PARP16: variants seen among roughly 807,000 people sequenced by gnomAD.
The protein encoded by PARP16 is protein mono-ADP-ribosyltransferase PARP16.
Under a neutral mutation model 35.0 loss-of-function variants are expected in PARP16, and 31 were observed. That is an observed-to-expected ratio of 0.88 (90% confidence interval 0.66 to 1.19). PARP16 has a LOEUF of 1.19. PARP16 is among the 50% of genes most tolerant of loss of function. The pLI, the probability that PARP16 is intolerant of heterozygous loss-of-function variation, is 0.00. For synonymous variants in PARP16, 162 were observed against 169.5 expected (o/e 0.96, Z 0.34); for missense variants, 424 against 411.2 (o/e 1.03, Z -0.27).
At chr15:65,266,880 A>C (rs1301979982) in intron 2 of PARP16, 112 bp from the exon 3 acceptor site, 7 of 736,640 alleles carry the variant, frequency 9.5e-6, no homozygotes, top group Non-Finnish European at 1.6e-5. Context: ...TCATGAGAAC[A>C]ACAGGTTTCA....
At chr15:65,274,273 G>A (rs2090182809) in intron 1 of PARP16, among the ~76,000 whole-genome samples, 1 of 146,572 alleles carries the variant, frequency 6.8e-6, no homozygotes, top group African/African-American at 2.5e-5. Context: ...GAAAGTGGAT[G>A]TGTGAGCCCG....
intron 3 of PARP16, among the ~76,000 whole-genome samples, chr15:65,241,355 G>T (rs2089075010): frequency 1.3e-5 from 2 of 152,104 alleles, no homozygotes; most frequent in South Asian, 4.1e-4. Flanking sequence ...TGGCCAGGCT[G>T]GTCTCGAACT....
In PARP16 at chr15:65,258,370, G is replaced by C. The variant is rs930248456; in HGVS notation, c.*1037C>G. ...AGCCCAGGCTGAGTCTCAAAGACCT[G>C]TGACCCCTCTGAAGGAGGCTCCATC... On this transcript the variant is annotated 3_prime_UTR_variant, in exon 6 of 6. Coordinates refer to ENST00000649807, the MANE Select transcript of PARP16 (RefSeq NM_001316943.2). 1 of 152,220 alleles carries C rather than the reference G, an allele frequency of 6.6e-6. No individual in the cohort carries two copies. The highest frequency in any genetic ancestry group is 2.4e-5 in the African/African-American group (1 of 41,452). The allele number at this position is 152,220 out of a possible 1,614,324, so 9.4% of individuals were successfully genotyped here.
chr15:65,251,951 A>G (rs1048552342), intron 2 of PARP16, among the ~76,000 whole-genome samples: 4 of 152,156 alleles, frequency 2.6e-5, no homozygotes, highest in South Asian at 2.1e-4. Context: ...TTTTTAGTAG[A>G]GACGGGGTTT....
At chr15:65,239,300 G>A (rs538225479) in intron 3 of PARP16, among the ~76,000 whole-genome samples, 95 of 151,126 alleles carry the variant, frequency 6.3e-4, no homozygotes, top group Non-Finnish European at 7.8e-4. Context: ...GGTGGTGTGC[G>A]CCTGTAGTCC....
At chr15:65,254,049 G>A (rs962648207), downstream of PARP16, among the ~76,000 whole-genome samples, 9 of 152,010 alleles carry the variant, frequency 5.9e-5, no homozygotes, top group East Asian at 3.9e-4. Context: ...ATCTCCTGAC[G>A]TCAGGTGATC....
At chr15:65,236,691 G>A (rs984266881) in intron 3 of PARP16, among the ~76,000 whole-genome samples, 2 of 152,222 alleles carry the variant, frequency 1.3e-5, no homozygotes, top group Non-Finnish European at 2.9e-5. Context: ...GTGGGAAGCT[G>A]GCTGGGCACG....
intron 1 of PARP16, among the ~76,000 whole-genome samples, chr15:65,280,883 CAGGG>C (rs2090402546): frequency 6.6e-6 from 1 of 152,188 alleles, no homozygotes; most frequent in Non-Finnish European, 1.5e-5. Flanking sequence ...CAAATGAGAA[CAGGG>C]TAAGCTTCAT....
chr15:65,266,284 G>A (rs1464252570), intron 3 of PARP16, among the ~76,000 whole-genome samples: 1 of 152,148 alleles, frequency 6.6e-6, no homozygotes, highest in Non-Finnish European at 1.5e-5. Flanking sequence ...TTAAATCGAC[G>A]CTTTTCAAAC....
At chr15:65,261,138 A>G in intron 4 of PARP16, 112 bp from the exon 5 acceptor site, 1 of 971,458 alleles carries the variant, frequency 1.0e-6, no homozygotes, top group Non-Finnish European at 1.5e-6. Context: ...AAGGCCTGGC[A>G]GGCTGAGGAA....
chr15:65,276,584 T>C (rs2090263464), intron 1 of PARP16, among the ~76,000 whole-genome samples: 1 of 152,084 alleles, frequency 6.6e-6, no homozygotes, highest in Admixed American at 6.6e-5. Context: ...CAGGCTGGTC[T>C]CAAAACTCCC....
At chr15:65,284,833 T>A in intron 1 of PARP16, among the ~76,000 whole-genome samples, 1 of 145,806 alleles carries the variant, frequency 6.9e-6, no homozygotes, top group Admixed American at 6.8e-5. Flanking sequence ...TTTTTTTTTT[T>A]TTGAGAGAGA....
intron 2 of PARP16, among the ~76,000 whole-genome samples, chr15:65,249,352 C>T (rs2089294015): frequency 6.6e-6 from 1 of 152,158 alleles, no homozygotes; most frequent in African/African-American, 2.4e-5. Context: ...ACCCCAGGGA[C>T]AGTGGCCCAG....
At chr15:65,272,696 G>T (rs1319370043) in intron 1 of PARP16, among the ~76,000 whole-genome samples, 1 of 152,126 alleles carries the variant, frequency 6.6e-6, no homozygotes, top group African/African-American at 2.4e-5. Flanking sequence ...ACTGTCTTGT[G>T]TTTTTCCAAT....
chr15:65,273,003 G>A (rs757450388), intron 1 of PARP16, among the ~76,000 whole-genome samples: 1 of 152,076 alleles, frequency 6.6e-6, no homozygotes, highest in African/African-American at 2.4e-5. Flanking sequence ...GTGGTGGCCC[G>A]GTGTGGTGGT....
chr15:65,245,953 G>A (rs993267489), intron 3 of PARP16, among the ~76,000 whole-genome samples: 15 of 152,100 alleles, frequency 9.9e-5, no homozygotes, highest in African/African-American at 3.4e-4. Context: ...GTGAGGGGCC[G>A]TCACAATGAC....
intron 3 of PARP16, among the ~76,000 whole-genome samples, chr15:65,246,121 G>C (rs960020236): frequency 1.3e-5 from 2 of 152,084 alleles, no homozygotes; most frequent in African/African-American, 4.8e-5. Context: ...TTCTCTCAGG[G>C]CCTCGGCCAC....
At chr15:65,253,953 G>C (rs1389864657), downstream of PARP16, among the ~76,000 whole-genome samples, 1 of 152,058 alleles carries the variant, frequency 6.6e-6, no homozygotes, top group African/African-American at 2.4e-5. Flanking sequence ...GAGTAGCTGG[G>C]ACTACAGGCG....
chr15:65,233,237 C>T (rs1375510852), downstream of PARP16, among the ~76,000 whole-genome samples: 1 of 151,994 alleles, frequency 6.6e-6, no homozygotes, highest in Non-Finnish European at 1.5e-5. Flanking sequence ...CATGGTGAAA[C>T]CCCGTCTCTA....
Sources: gnomAD v4.1 joint callset for allele counts (sites outside exome capture counted in the v4.1 genomes callset) on GRCh38, gnomAD v4.1.1 for gene constraint, MANE v1.5 for transcripts, NCBI Gene and HGNC (gene_info 2026-07-23, HGNC 2026-07-21) for gene names.